The following NEIL3 variants were observed in gnomAD, a reference collection of about 807,000 sequenced individuals.
NEIL3 encodes endonuclease 8-like 3.
Under a neutral mutation model 57.5 loss-of-function variants are expected in NEIL3, and 48 were observed. The observed-to-expected ratio is 0.83, with a 90% CI of 0.66 to 1.06. NEIL3 has a LOEUF of 1.06. Among genes scored for constraint, NEIL3 ranks in the 50% least tolerant of loss-of-function variants. The pLI is 0.00. For missense variants in NEIL3, 717 were observed against 739.1 expected (o/e 0.97, Z 0.35); for synonymous variants, 261 against 253.2 (o/e 1.03, Z -0.29).
chr4:177,369,996 A>G, the NEIL3 span, among the ~76,000 whole-genome samples: 1 of 152,186 alleles, frequency 6.6e-6, no homozygotes, highest in Non-Finnish European at 1.5e-5. Flanking sequence ...CGATAACCTT[A>G]AAGAAGGACC....
intron 9 of NEIL3, among the ~76,000 whole-genome samples, chr4:177,361,313 G>A (rs1202072458): frequency 6.6e-6 from 1 of 152,144 alleles, no homozygotes; most frequent in Non-Finnish European, 1.5e-5. Context: ...ATCAGGCTGA[G>A]TGTGATTCTA....
intron 8 of NEIL3, among the ~76,000 whole-genome samples, chr4:177,355,674 G>A (rs942089371): frequency 2.0e-5 from 3 of 152,118 alleles, no homozygotes; most frequent in Non-Finnish European, 4.4e-5. Flanking sequence ...TTACTGATGG[G>A]TAGATGCCTT....
chr4:177,358,682 T>C (rs1445127003), intron 8 of NEIL3, among the ~76,000 whole-genome samples: 1 of 152,070 alleles, frequency 6.6e-6, no homozygotes, highest in East Asian at 1.9e-4. Context: ...AGAGATGACA[T>C]TTGGGCCTCT....
In NEIL3 at chr4:177,318,910, A is replaced by G. The variant is rs1035710197; in HGVS notation, c.157-3549A>G. On this transcript the variant is annotated intron_variant, in intron 1 of 9. Coordinates refer to ENST00000264596, the MANE Select transcript of NEIL3 (RefSeq NM_018248.3). ...CCAAGCATCTAGAACAAGGCCTGAC[A>G]CATAGTGGAAGGTCAGTAAACTTTT... 5.3e-5 allele frequency among the ~76,000 whole-genome samples: 8 copies of G among 152,252 alleles called. No homozygotes were observed. The South Asian group carries it at 1.2e-3, about 24-fold the overall frequency.
chr4:177,356,765 A>C (rs1345279499), intron 8 of NEIL3, among the ~76,000 whole-genome samples: 1 of 152,176 alleles, frequency 6.6e-6, no homozygotes, highest in Non-Finnish European at 1.5e-5. Context: ...TGTGTATTCC[A>C]TCCAGCTATT....
downstream of NEIL3, among the ~76,000 whole-genome samples, chr4:177,364,259 C>T (rs1265044123): frequency 2.0e-5 from 3 of 152,204 alleles, no homozygotes; most frequent in African/African-American, 4.8e-5. Context: ...AACCTCCCCA[C>T]AGATAACTCT....
At chr4:177,352,277 T>C (rs1019865590) in intron 7 of NEIL3, among the ~76,000 whole-genome samples, 1 of 152,046 alleles carries the variant, frequency 6.6e-6, no homozygotes, top group Non-Finnish European at 1.5e-5. Context: ...CATCACCCCT[T>C]GCACAGCTTT....
chr4:177,358,560 G>C (rs1735537346), intron 8 of NEIL3, among the ~76,000 whole-genome samples: 1 of 152,158 alleles, frequency 6.6e-6, no homozygotes, highest in Non-Finnish European at 1.5e-5. Flanking sequence ...GCCCGGCTCA[G>C]CCTCCCAAAG....
rs1242716488 is a variant in NEIL3 at position 177,362,400 on chromosome 4, A to G, written c.1747A>G (p.Lys583Glu). ...GKNFFVCPLG[K>E]EKQCNFFQWA... ...GAATTTTTTTGTGTGTCCTCTTGGGAAGGAAAAACAATGCAATTTTTTCCA... is the reference window on the plus strand; with the variant it reads ...GAATTTTTTTGTGTGTCCTCTTGGGGAGGAAAAACAATGCAATTTTTTCCA... Residue 583 changes from lysine (K) to glutamate (E), a missense_variant, in exon 10 of 10, where the codon AAG becomes GAG. Physicochemically the swap from Lys to Glu is moderately conservative, Grantham distance 56. Transcript: ENST00000264596. The G allele has an allele frequency of 1.2e-6, 2 of 1,613,680 alleles. No individual in the cohort carries two copies. The highest frequency in any genetic ancestry group is 1.7e-6 in the Non-Finnish European group (2 of 1,179,806).
At chr4:177,370,484 T>A in the NEIL3 span, among the ~76,000 whole-genome samples, 4 of 152,168 alleles carry the variant, frequency 2.6e-5, no homozygotes, top group Admixed American at 2.6e-4. Flanking sequence ...AATCCTGTAC[T>A]CAAAGGAGGG....
chr4:177,340,313 TA>T (rs1488271752), intron 5 of NEIL3, among the ~76,000 whole-genome samples: 1 of 152,216 alleles, frequency 6.6e-6, no homozygotes, highest in Non-Finnish European at 1.5e-5. Context: ...TCTTCATCTG[TA>T]AAATGGGATA....
chr4:177,318,725 C>T (rs760167408), intron 1 of NEIL3, among the ~76,000 whole-genome samples: 1 of 152,178 alleles, frequency 6.6e-6, no homozygotes, highest in East Asian at 1.9e-4. Context: ...GCACCCTCCC[C>T]CAATCTTGCT....
At position 177,334,213 on chromosome 4, in the gene NEIL3, A is replaced by G. The variant is rs34894397; in HGVS notation, c.279-1475A>G. ...TTACTGTGCCTCAAATATTTTCATG[A>G]TACTGATACATTTTTTATAGTTTAA... On this transcript the variant is annotated intron_variant, in intron 2 of 9. Transcript: ENST00000264596. Among the ~76,000 whole-genome samples, 1,394 of 151,920 alleles carry G rather than the reference A, an allele frequency of 9.2e-3. 18 individuals carry two copies. The highest frequency in any genetic ancestry group is 0.033 in the African/African-American group (1,350 of 41,454).
intron 1 of NEIL3, 73 bp downstream of exon 1, chr4:177,310,182 G>A: frequency 2.2e-6 from 3 of 1,388,658 alleles, no homozygotes; most frequent in Non-Finnish European, 2.8e-6. Flanking sequence ...AGGGTTCCAG[G>A]ATTTAAAGTG....
the NEIL3 span, among the ~76,000 whole-genome samples, chr4:177,370,774 A>C: frequency 6.6e-6 from 1 of 151,980 alleles, no homozygotes; most frequent in Non-Finnish European, 1.5e-5. Context: ...GGTGGCGAGC[A>C]CCTGTAGTCC....
At chr4:177,351,136 CG>C (rs1735339832) in intron 6 of NEIL3, among the ~76,000 whole-genome samples, 1 of 133,382 alleles carries the variant, frequency 7.5e-6, no homozygotes, top group African/African-American at 2.9e-5. Context: ...TCCAGGAGTT[CG>C]AGGCTGCAGT....
chr4:177,358,138 C>T (rs1489326352), intron 8 of NEIL3, among the ~76,000 whole-genome samples: 2 of 152,036 alleles, frequency 1.3e-5, no homozygotes, highest in African/African-American at 2.4e-5. Flanking sequence ...TATGAATCAC[C>T]TGGGAATCCT....
intron 1 of NEIL3, among the ~76,000 whole-genome samples, chr4:177,311,674 C>CA (rs763838033): frequency 0.017 from 1,013 of 58,052 alleles, 20 homozygotes; most frequent in South Asian, 0.033. Flanking sequence ...AACTCTGTCT[C>CA]AAAAAAAAAA....
chr4:177,353,948 TAG>T (rs1735420281), intron 8 of NEIL3: 1 of 478,064 alleles, frequency 2.1e-6, no homozygotes, highest in African/African-American at 2.0e-5. Context: ...GTATTTTCAG[TAG>T]AGACGGGGTT....
Sources: allele counts gnomAD v4.1 joint callset (sites outside exome capture counted in the v4.1 genomes callset), GRCh38; gene constraint gnomAD v4.1.1; transcripts MANE v1.5; gene names NCBI Gene and HGNC (gene_info 2026-07-23, HGNC 2026-07-21).